DCLK2: variants seen among roughly 807,000 people sequenced by gnomAD.
DCLK2 encodes the protein doublecortin like kinase 2, also known as serine/threonine-protein kinase DCLK2.
A neutral mutation model predicts 78.4 loss-of-function variants in DCLK2; 31 were observed. That is an observed-to-expected ratio of 0.40 (90% CI 0.30 to 0.53). The LOEUF (loss-of-function observed/expected upper bound fraction) is 0.53. Among genes scored for constraint, DCLK2 ranks in the 20% least tolerant of loss-of-function variants. DCLK2 has a pLI of 0.61. For missense variants in DCLK2, 872 were observed against 973.7 expected (o/e 0.90, Z 1.39); for synonymous variants, 407 against 374.9 (o/e 1.09, Z -0.99).
intron 2 of DCLK2, among the ~76,000 whole-genome samples, chr4:150,183,737 CT>C (rs376479148): frequency 1.8e-3 from 251 of 142,876 alleles, no homozygotes; most frequent in Non-Finnish European, 1.9e-3. Flanking sequence ...TTTTCTTTTT[CT>C]TTTTTTTTTT....
chr4:150,189,279 C>T (rs940767024), intron 2 of DCLK2, among the ~76,000 whole-genome samples: 1 of 151,196 alleles, frequency 6.6e-6, no homozygotes, highest in Admixed American at 6.6e-5. Context: ...CATTTAAGAA[C>T]CATTTATTGA....
intron 2 of DCLK2, among the ~76,000 whole-genome samples, chr4:150,164,300 C>A (rs1735912596): frequency 6.6e-6 from 1 of 152,158 alleles, no homozygotes. Flanking sequence ...CTGGGTTGGG[C>A]CTGTGGCATC....
At chr4:150,206,983 A>G (rs563485622) in intron 5 of DCLK2, among the ~76,000 whole-genome samples, 2 of 152,266 alleles carry the variant, frequency 1.3e-5, no homozygotes, top group African/African-American at 4.8e-5. Flanking sequence ...GGCATGACAG[A>G]TGAGGAATTA....
At chr4:150,239,059 G>C (rs1237697576) in intron 10 of DCLK2, among the ~76,000 whole-genome samples, 1 of 152,114 alleles carries the variant, frequency 6.6e-6, no homozygotes, top group Non-Finnish European at 1.5e-5. Context: ...ATCACACATA[G>C]TAAATGCTAA....
chr4:150,121,094 C>G (rs976882109), intron 2 of DCLK2, among the ~76,000 whole-genome samples: 7 of 152,058 alleles, frequency 4.6e-5, no homozygotes, highest in African/African-American at 1.7e-4. Context: ...TGACAATCAT[C>G]TGAGCCTTCA....
chr4:150,198,920 C>G (rs1739262625), intron 4 of DCLK2: 3 of 621,936 alleles, frequency 4.8e-6, no homozygotes, highest in Admixed American at 4.9e-5. Context: ...ACCCCCCCCC[C>G]CACTTTCTGT....
At chr4:150,170,729 A>G (rs1456517059) in intron 2 of DCLK2, among the ~76,000 whole-genome samples, 1 of 152,206 alleles carries the variant, frequency 6.6e-6, no homozygotes, top group Admixed American at 6.5e-5. Context: ...CCACATTTTC[A>G]TCATCATTTA....
chr4:150,140,162 T>C (rs527739260), intron 2 of DCLK2, among the ~76,000 whole-genome samples: 1 of 152,194 alleles, frequency 6.6e-6, no homozygotes, highest in Non-Finnish European at 1.5e-5. Flanking sequence ...ATAAATTTCA[T>C]GGAAACAATC....
intron 2 of DCLK2, among the ~76,000 whole-genome samples, chr4:150,167,663 G>A (rs533498129): frequency 6.6e-6 from 1 of 152,104 alleles, no homozygotes; most frequent in African/African-American, 2.4e-5. Flanking sequence ...AGTGTCAGGC[G>A]ACCATCAAGT....
intron 2 of DCLK2, among the ~76,000 whole-genome samples, chr4:150,124,986 G>T (rs1732818806): frequency 6.6e-6 from 1 of 152,082 alleles, no homozygotes; most frequent in African/African-American, 2.4e-5. Flanking sequence ...TATTTCCCCT[G>T]ACACACAATT....
chr4:150,119,473 T>C (rs901766139), intron 2 of DCLK2, among the ~76,000 whole-genome samples: 6 of 152,226 alleles, frequency 3.9e-5, no homozygotes, highest in Non-Finnish European at 8.8e-5. Context: ...CATGGATATA[T>C]GCCCCAGTAT....
At chr4:150,108,247 G>A (rs1436442885) in intron 2 of DCLK2, among the ~76,000 whole-genome samples, 1 of 151,884 alleles carries the variant, frequency 6.6e-6, no homozygotes, top group Non-Finnish European at 1.5e-5. Flanking sequence ...AGTGGCTCAC[G>A]CCTGTAATCC....
intron 5 of DCLK2, among the ~76,000 whole-genome samples, chr4:150,208,291 C>T (rs1246073156): frequency 6.6e-6 from 1 of 152,086 alleles, no homozygotes; most frequent in African/African-American, 2.4e-5. Context: ...AAGTTTTGGT[C>T]ATAAAAGAGT....
At chr4:150,186,894 A>ATGTGTGTG (rs10683241) in intron 2 of DCLK2, among the ~76,000 whole-genome samples, 10,140 of 147,514 alleles carry the variant, frequency 0.069, 465 homozygotes, top group Middle Eastern at 0.12. Context: ...CTATCTCAAA[A>ATGTGTGTG]TGTGTGTGTG....
chr4:150,127,386 A>G (rs545822392), intron 2 of DCLK2, among the ~76,000 whole-genome samples: 1 of 152,302 alleles, frequency 6.6e-6, no homozygotes, highest in East Asian at 1.9e-4. Flanking sequence ...AGGAAGAGCT[A>G]TCCCTTCTCC....
intron 5 of DCLK2, among the ~76,000 whole-genome samples, chr4:150,211,332 A>AGAGT (rs1740297969): frequency 6.6e-6 from 1 of 152,076 alleles, no homozygotes; most frequent in South Asian, 2.1e-4. Context: ...AGAGAGAGAG[A>AGAGT]GAGTGCCATA....
At chr4:150,152,526 C>T (rs867207958) in intron 2 of DCLK2, among the ~76,000 whole-genome samples, 3 of 152,312 alleles carry the variant, frequency 2.0e-5, no homozygotes, top group Admixed American at 2.0e-4. Flanking sequence ...AGGTGATCTG[C>T]CCGCCTCAGC....
intron 12 of DCLK2, 47 bp downstream of exon 12, chr4:150,240,523 T>C (rs1271951502): frequency 1.3e-6 from 2 of 1,573,924 alleles, no homozygotes; most frequent in Non-Finnish European, 1.7e-6. Flanking sequence ...ATGTTCTCCC[T>C]TGGGTCCAGA....
chr4:150,079,236 A>C lies in DCLK2; in HGVS notation c.209A>C (p.Lys70Thr), dbSNP rs771649250. 3 of 1,609,456 alleles carry C rather than the reference A, an allele frequency of 1.9e-6. No homozygotes were observed. Among genetic ancestry groups the C allele is most frequent in the Non-Finnish European group, 2.5e-6 (3 of 1,178,156 alleles). Residue 70 changes from lysine (K) to threonine (T), a missense_variant, in exon 1 of 16, where the codon AAG becomes ACG. Transcript: ENST00000296550. ...CTGCAGGCCCTCAGCTCGGAGAAGA[A>C]GGCCAAGAAGGCGCGCTTCTACCGG... ...RTLQALSSEK[K>T]AKKARFYRNG... is the part of the protein sequence containing the mutation.
Sources: allele counts gnomAD v4.1 joint callset (sites outside exome capture counted in the v4.1 genomes callset), GRCh38; gene constraint gnomAD v4.1.1; transcripts MANE v1.5; gene names NCBI Gene and HGNC (gene_info 2026-07-23, HGNC 2026-07-21).